Variants in EXOC6B observed in about 807,000 individuals in gnomAD.
EXOC6B encodes exocyst complex component 6B, also known as SEC15 homolog B.
EXOC6B carries 54 observed loss-of-function variants against 113.5 expected under a neutral mutation model. That is an observed-to-expected ratio of 0.48 (90% CI 0.38 to 0.60). The LOEUF is 0.60. EXOC6B is among the 20% of genes least tolerant of loss of function. The pLI is 0.00. For synonymous variants in EXOC6B, 357 were observed against 339.0 expected, an observed-to-expected ratio of 1.05 and a Z score of -0.58; for missense variants, 797 against 977.5, an observed-to-expected ratio of 0.82 and a Z score of 2.46.
chr2:72,723,885 G>A (rs1680154201), intron 5 of EXOC6B, among the ~76,000 whole-genome samples: 1 of 152,114 alleles, frequency 6.6e-6, no homozygotes, highest in Non-Finnish European at 1.5e-5. Flanking sequence ...ACATAGAACT[G>A]CTATCTCTGT....
intron 20 of EXOC6B, among the ~76,000 whole-genome samples, chr2:72,209,253 GAAAAGA>G (rs1680035617): frequency 2.7e-5 from 3 of 109,730 alleles, no homozygotes; most frequent in African/African-American, 9.3e-5. Flanking sequence ...AAAAAGAAAA[GAAAAGA>G]AAAGAAAAGA....
chr2:72,289,165 A>G (rs913257072), intron 20 of EXOC6B: 5 of 210,076 alleles, frequency 2.4e-5, no homozygotes, highest in Admixed American at 5.0e-5. Flanking sequence ...CAAAAAAAAA[A>G]AGAAATATAC....
At chr2:72,325,540 C>T (rs574909114) in intron 20 of EXOC6B, among the ~76,000 whole-genome samples, 2 of 151,892 alleles carry the variant, frequency 1.3e-5, no homozygotes, top group African/African-American at 4.8e-5. Flanking sequence ...TGCTACAAAC[C>T]GAAGGGCTTT....
At chr2:72,575,745 G>C (rs1030878095) in intron 6 of EXOC6B, 77 bp from the exon 7 acceptor site, 2 of 1,314,284 alleles carry the variant, frequency 1.5e-6, no homozygotes, top group Non-Finnish European at 1.0e-6. Flanking sequence ...AAAAAGAAAA[G>C]AAACAAAACT....
intron 6 of EXOC6B, among the ~76,000 whole-genome samples, chr2:72,642,292 GC>G (rs1453935987): frequency 6.9e-6 from 1 of 144,266 alleles, no homozygotes; most frequent in African/African-American, 2.6e-5. Context: ...CCAAAAAAGA[GC>G]CCGCATCGCC....
chr2:72,553,151 G>C (rs1703334324), intron 8 of EXOC6B, among the ~76,000 whole-genome samples: 1 of 152,046 alleles, frequency 6.6e-6, no homozygotes, highest in Non-Finnish European at 1.5e-5. Flanking sequence ...TTCTAGATGT[G>C]AGATCAACCT....
At chr2:72,792,671 A>G (rs2105041997) in intron 1 of EXOC6B, among the ~76,000 whole-genome samples, 1 of 152,272 alleles carries the variant, frequency 6.6e-6, no homozygotes, top group Non-Finnish European at 1.5e-5. Context: ...AGGTGGTTAT[A>G]TTATTCCAGT....
At chr2:72,549,606 C>A (rs1357499117) in intron 8 of EXOC6B, among the ~76,000 whole-genome samples, 2 of 152,090 alleles carry the variant, frequency 1.3e-5, no homozygotes, top group African/African-American at 4.8e-5. Context: ...CAGGGAGATA[C>A]AGAGTTTATG....
At chr2:72,658,416 G>C (rs1674768446) in intron 6 of EXOC6B, among the ~76,000 whole-genome samples, 1 of 150,576 alleles carries the variant, frequency 6.6e-6, no homozygotes, top group Admixed American at 6.6e-5. Context: ...TTTTCTTTCT[G>C]TTAAAATAAT....
intron 3 of EXOC6B, among the ~76,000 whole-genome samples, chr2:72,731,674 T>C (rs1046360589): frequency 6.6e-6 from 1 of 152,132 alleles, no homozygotes; most frequent in African/African-American, 2.4e-5. Context: ...CTAGAAGAAA[T>C]TGTACTCCAC....
At chr2:72,600,653 T>C (rs1413021867) in intron 6 of EXOC6B, among the ~76,000 whole-genome samples, 1 of 151,962 alleles carries the variant, frequency 6.6e-6, no homozygotes, top group Non-Finnish European at 1.5e-5. Flanking sequence ...GAAAGCCTCA[T>C]GCAATAAAAT....
At chr2:72,627,856 T>C (rs924339758) in intron 6 of EXOC6B, among the ~76,000 whole-genome samples, 7 of 151,950 alleles carry the variant, frequency 4.6e-5, no homozygotes, top group Non-Finnish European at 8.8e-5. Flanking sequence ...CCCTGCCAGG[T>C]AGCTGGAACT....
At chr2:72,749,871 A>G (rs924735301) in intron 1 of EXOC6B, among the ~76,000 whole-genome samples, 2 of 151,900 alleles carry the variant, frequency 1.3e-5, no homozygotes, top group Non-Finnish European at 2.9e-5. Context: ...TTTAATGTGG[A>G]CTTAACAAAA....
At chr2:72,462,356 T>C (rs969076347) in intron 18 of EXOC6B, 2 of 152,134 alleles carry the variant, frequency 1.3e-5, no homozygotes, top group South Asian at 2.1e-4. Flanking sequence ...TATGTTCTAT[T>C]TAGATAATAA....
chr2:72,180,084 G>C (rs577924341), intron 21 of EXOC6B, among the ~76,000 whole-genome samples: 1 of 152,310 alleles, frequency 6.6e-6, no homozygotes, highest in South Asian at 2.1e-4. Flanking sequence ...TAAGAGAGTA[G>C]AGTGCTGAGG....
At chr2:72,220,647 AGG>A (rs1269148418) in intron 20 of EXOC6B, among the ~76,000 whole-genome samples, 2 of 152,214 alleles carry the variant, frequency 1.3e-5, no homozygotes, top group Non-Finnish European at 2.9e-5. Context: ...TATATTGCAT[AGG>A]GAAATTCGTG....
At chr2:72,393,070 GTT>G (rs1204784814) in intron 18 of EXOC6B, among the ~76,000 whole-genome samples, 1 of 151,084 alleles carries the variant, frequency 6.6e-6, no homozygotes. Context: ...TGAAGGTTTG[GTT>G]TTTTTGTTTG....
At chr2:72,386,201 A>C (rs1475541938) in intron 18 of EXOC6B, among the ~76,000 whole-genome samples, 1 of 151,884 alleles carries the variant, frequency 6.6e-6, no homozygotes. Flanking sequence ...ACATATGCTC[A>C]TAGGCATGAG....
intron 8 of EXOC6B, among the ~76,000 whole-genome samples, chr2:72,523,138 A>G (rs1057085727): frequency 3.9e-5 from 6 of 152,214 alleles, no homozygotes; most frequent in African/African-American, 9.7e-5. Context: ...AGTAAAATTT[A>G]CTACTAATAA....
Sources: gnomAD v4.1 joint callset for allele counts (sites outside exome capture counted in the v4.1 genomes callset) on GRCh38, gnomAD v4.1.1 for gene constraint, MANE v1.5 for transcripts, NCBI Gene and HGNC (gene_info 2026-07-23, HGNC 2026-07-21) for gene names.